Variants in CNTN5 observed in about 807,000 individuals in gnomAD.
CNTN5 encodes the protein contactin 5, also known as contactin-5.
Under a neutral mutation model 129.1 loss-of-function variants are expected in CNTN5, and 77 were observed. The observed-to-expected ratio is 0.60, with a 90% CI of 0.50 to 0.72. The LOEUF (loss-of-function observed/expected upper bound fraction) is 0.72. Ranked by LOEUF, CNTN5 falls within the 30% of genes least tolerant of loss-of-function variation. The pLI is 0.00. For synonymous variants in CNTN5, 509 were observed against 465.6 expected (o/e 1.09, Z -1.20); for missense variants, 1,478 against 1,328.8 (o/e 1.11, Z -1.75).
At chr11:99,093,818 G>A (rs1866355444) in intron 1 of CNTN5, among the ~76,000 whole-genome samples, 1 of 151,914 alleles carries the variant, frequency 6.6e-6, no homozygotes, top group African/African-American at 2.4e-5. Flanking sequence ...GGCAAGTACA[G>A]TTATCTTTAT....
chr11:99,727,312 C>CAAAAAAAAAAAAAAAAAAAAAA (rs397936738), intron 3 of CNTN5, among the ~76,000 whole-genome samples: 42 of 24,232 alleles, frequency 1.7e-3, no homozygotes, highest in South Asian at 5.6e-3. Flanking sequence ...GACTCCGTCT[C>CAAAAAAAAAAAAAAAAAAAAAA]AAAAAAAAAA....
intron 3 of CNTN5, among the ~76,000 whole-genome samples, chr11:99,805,400 G>A (rs1045830510): frequency 9.9e-5 from 15 of 152,062 alleles, no homozygotes; most frequent in Non-Finnish European, 7.4e-5. Context: ...ACAGAAAACC[G>A]AAACAATCAA....
chr11:99,473,676 T>C, intron 2 of CNTN5, among the ~76,000 whole-genome samples: 1 of 152,082 alleles, frequency 6.6e-6, no homozygotes, highest in East Asian at 1.9e-4. Flanking sequence ...ACCCACTTGT[T>C]GTCTTTGACT....
chr11:99,723,989 T>A (rs1030805362), intron 3 of CNTN5, among the ~76,000 whole-genome samples: 2 of 152,154 alleles, frequency 1.3e-5, no homozygotes, highest in Admixed American at 6.5e-5. Context: ...AACTATTCAT[T>A]CTACTAGTCT....
At chr11:100,226,650 T>C (rs1248552982) in intron 16 of CNTN5, among the ~76,000 whole-genome samples, 1 of 152,176 alleles carries the variant, frequency 6.6e-6, no homozygotes, top group East Asian at 1.9e-4. Flanking sequence ...GTCACCACTT[T>C]TCTATTATAT....
chr11:100,021,110 C>T (rs1442707192), intron 9 of CNTN5, among the ~76,000 whole-genome samples: 1 of 152,084 alleles, frequency 6.6e-6, no homozygotes, highest in Non-Finnish European at 1.5e-5. Flanking sequence ...TATTTAGCTT[C>T]CAAATATTTT....
intron 7 of CNTN5, among the ~76,000 whole-genome samples, chr11:99,950,134 A>G (rs1415212444): frequency 2.0e-5 from 3 of 152,228 alleles, no homozygotes; most frequent in African/African-American, 4.8e-5. Flanking sequence ...TCATTTTTCA[A>G]ACATATGACA....
intron 17 of CNTN5, among the ~76,000 whole-genome samples, chr11:100,266,760 A>T (rs1034851919): frequency 6.6e-6 from 1 of 151,832 alleles, no homozygotes; most frequent in Non-Finnish European, 1.5e-5. Context: ...TGGAAGGAAG[A>T]TTATTTTTAT....
rs749228970 is a variant in CNTN5, at chr11:100,340,618, C to T, written c.2886C>T (p.Ser962=). Residue 962 remains serine, a synonymous_variant, in exon 22 of 25, where the codon AGC becomes AGT. Transcript: ENST00000524871. ...AYNGAGYGPP[S]SEVSATTKKS... is the part of the protein sequence containing the mutation. The stretch of plus-strand genomic sequence containing the variant: ...ATGGAGCTGGATATGGGCCACCTAG[C>T]AGTGAAGTGAGTGCAACCACCAAGA... 2 of 1,607,992 alleles carry T rather than the reference C, an allele frequency of 1.2e-6. No individual in the cohort carries two copies. Among genetic ancestry groups the T allele is most frequent in the Non-Finnish European group, 1.7e-6 (2 of 1,177,876 alleles).
At chr11:99,673,127 A>C (rs56151690) in intron 3 of CNTN5, among the ~76,000 whole-genome samples, 1,599 of 152,248 alleles carry the variant, frequency 0.011, 32 homozygotes, top group African/African-American at 0.035. Context: ...CAGTTTTAGA[A>C]TATTAGAAAA....
At chr11:99,073,603 T>C (rs562502227) in intron 1 of CNTN5, among the ~76,000 whole-genome samples, 5 of 151,948 alleles carry the variant, frequency 3.3e-5, no homozygotes. Context: ...CCTGTGTCCA[T>C]GTGTTCTCAC....
chr11:100,003,736 A>T, intron 9 of CNTN5: 1 of 152,114 alleles, frequency 6.6e-6, no homozygotes, highest in East Asian at 1.9e-4. Flanking sequence ...TAAATCACTT[A>T]TGTTCTTTTA....
At chr11:99,237,813 AT>A (rs920707301) in intron 1 of CNTN5, among the ~76,000 whole-genome samples, 7 of 152,200 alleles carry the variant, frequency 4.6e-5, no homozygotes, top group African/African-American at 1.7e-4. Context: ...TATGGGTCCA[AT>A]TTTTATAAGC....
intron 1 of CNTN5, among the ~76,000 whole-genome samples, chr11:99,230,680 G>T (rs1860947965): frequency 6.6e-6 from 1 of 151,978 alleles, no homozygotes; most frequent in Non-Finnish European, 1.5e-5. Flanking sequence ...TTAAGTTCCG[G>T]GGTACAAGTG....
intron 1 of CNTN5, among the ~76,000 whole-genome samples, chr11:99,312,197 A>T (rs575989383): frequency 1.3e-5 from 2 of 152,224 alleles, no homozygotes; most frequent in Non-Finnish European, 2.9e-5. Flanking sequence ...AATAATACAT[A>T]AACAATTTTA....
At chr11:99,538,479 C>T (rs990279891) in intron 2 of CNTN5, among the ~76,000 whole-genome samples, 5 of 152,170 alleles carry the variant, frequency 3.3e-5, no homozygotes, top group South Asian at 2.1e-4. Context: ...AACACAAAGG[C>T]GTTATTTTTA....
chr11:99,752,848 G>A (rs1415975416), intron 3 of CNTN5, among the ~76,000 whole-genome samples: 7 of 152,178 alleles, frequency 4.6e-5, no homozygotes, highest in South Asian at 4.2e-4. Flanking sequence ...TAGCTATGCC[G>A]TAGCCACACA....
At chr11:100,219,963 C>T (rs1036544342) in intron 15 of CNTN5, among the ~76,000 whole-genome samples, 3 of 152,006 alleles carry the variant, frequency 2.0e-5, no homozygotes, top group African/African-American at 7.3e-5. Context: ...GTATTATTTC[C>T]TTATCATAGT....
chr11:99,212,212 C>A (rs1237448253), intron 1 of CNTN5, among the ~76,000 whole-genome samples: 2 of 152,126 alleles, frequency 1.3e-5, no homozygotes, highest in East Asian at 1.9e-4. Flanking sequence ...GATAGCAGAT[C>A]ACATCACCAT....
Sources: allele counts gnomAD v4.1 joint callset (sites outside exome capture counted in the v4.1 genomes callset), GRCh38; gene constraint gnomAD v4.1.1; transcripts MANE v1.5; gene names NCBI Gene and HGNC (gene_info 2026-07-23, HGNC 2026-07-21).